RAF1: variants seen among roughly 807,000 people sequenced by gnomAD.
RAF1 encodes Raf-1 proto-oncogene, serine/threonine kinase, also known as RAF proto-oncogene serine/threonine-protein kinase.
In RAF1, 27 loss-of-function variants were observed where a neutral mutation model predicts 81.1. The observed-to-expected ratio is 0.33, with a 90% CI of 0.25 to 0.46. RAF1 has a LOEUF of 0.46. Ranked by LOEUF, RAF1 falls within the 20% of genes least tolerant of loss-of-function variation. The probability of loss-of-function intolerance (pLI) is 1.00; values close to 1 mark genes in which losing one functional copy is unlikely to be tolerated. For synonymous variants in RAF1, 298 were observed against 294.0 expected (o/e 1.01, Z -0.14); for missense variants, 598 against 826.0 (o/e 0.72, Z 3.38).
intron 8 of RAF1, among the ~76,000 whole-genome samples, chr3:12,602,883 A>G (rs2058905524): frequency 6.6e-6 from 1 of 152,204 alleles, no homozygotes; most frequent in Admixed American, 6.5e-5. Flanking sequence ...GTCTCTGATA[A>G]GCTTTCAATA....
chr3:12,606,748 A>C (rs1402313246), intron 5 of RAF1, among the ~76,000 whole-genome samples: 5 of 152,168 alleles, frequency 3.3e-5, no homozygotes, highest in Admixed American at 2.6e-4. Context: ...GTACATGTGC[A>C]CAACATGCAG....
At chr3:12,617,890 A>G (rs1482207357) in intron 2 of RAF1, among the ~76,000 whole-genome samples, 6 of 147,024 alleles carry the variant, frequency 4.1e-5, no homozygotes, top group Non-Finnish European at 9.0e-5. Context: ...AAAAAAAAAA[A>G]AAGAAAAGAA....
chr3:12,611,823 TATAA>T, intron 3 of RAF1, 123 bp downstream of exon 3: 1 of 755,928 alleles, frequency 1.3e-6, no homozygotes. Context: ...ATTATCTCTT[TATAA>T]AGAAAGGTAT....
At chr3:12,590,549 C>A (rs886969742) in intron 13 of RAF1, 3 of 510,028 alleles carry the variant, frequency 5.9e-6, no homozygotes, top group Admixed American at 3.2e-5. Context: ...GGTCTCAAAA[C>A]TACTGGCCTC....
At chr3:12,585,279 G>T in intron 15 of RAF1, 26 bp from the exon 15 acceptor site, 1 of 1,613,494 alleles carries the variant, frequency 6.2e-7, no homozygotes. Context: ...TATGACAAAA[G>T]TGCATTTATC....
At chr3:12,618,408 C>T (rs956178840) in intron 2 of RAF1, 107 bp downstream of exon 2, 101 of 1,192,366 alleles carry the variant, frequency 8.5e-5, no homozygotes, top group Non-Finnish European at 7.0e-5. Flanking sequence ...AAAATAAAGA[C>T]CCTAAATGAC....
intron 3 of RAF1, among the ~76,000 whole-genome samples, chr3:12,611,421 T>C (rs1390682618): frequency 6.6e-6 from 1 of 152,148 alleles, no homozygotes; most frequent in Non-Finnish European, 1.5e-5. Flanking sequence ...GCCTTCGCTA[T>C]GTGCCCAGGC....
At chr3:12,646,315 C>G (rs1011588580) in intron 1 of RAF1, among the ~76,000 whole-genome samples, 2 of 152,052 alleles carry the variant, frequency 1.3e-5, no homozygotes, top group Non-Finnish European at 2.9e-5. Flanking sequence ...ACATTATAAT[C>G]TACAGCAAAT....
At chr3:12,588,848 G>GT (rs1048365693) in intron 13 of RAF1, 3 of 152,342 alleles carry the variant, frequency 2.0e-5, no homozygotes, top group African/African-American at 7.2e-5. Flanking sequence ...TGGGACCTAA[G>GT]TGGCAGGTGT....
At position 12,599,851 on chromosome 3, in the gene RAF1, A is replaced by G. The variant is rs5746225; in HGVS notation, c.1051-43T>C. On this transcript the variant is annotated intron_variant, in intron 10 of 17. Coordinates refer to ENST00000442415, the MANE Select transcript of RAF1 (RefSeq NM_001354689.3). ...CATTATTATACTCCATGCAATGGTAATAATCTTTTGATAATGAGGGCATCA... is the reference window on the plus strand; with the variant it reads ...CATTATTATACTCCATGCAATGGTAGTAATCTTTTGATAATGAGGGCATCA... 0.013 allele frequency: 18,475 copies of G among 1,464,626 alleles called. 166 individuals are homozygous for G. The highest frequency in any genetic ancestry group is 0.014 in the Non-Finnish European group (14,658 of 1,043,408). 90.7% of individuals were successfully genotyped at this position (1,464,626 alleles called of 1,614,324 possible).
At chr3:12,624,984 A>G (rs1245437008) in intron 1 of RAF1, among the ~76,000 whole-genome samples, 1 of 152,200 alleles carries the variant, frequency 6.6e-6, no homozygotes, top group Non-Finnish European at 1.5e-5. Flanking sequence ...TTAAATTCAC[A>G]GAAAAGCAAT....
intron 3 of RAF1, 80 bp downstream of exon 3, chr3:12,611,870 C>T (rs1451311591): frequency 3.0e-6 from 3 of 1,000,672 alleles, no homozygotes; most frequent in Non-Finnish European, 4.8e-6. Context: ...GAAGCTAGTA[C>T]AATTTAATAC....
At chr3:12,593,349 G>T (rs528980958) in intron 11 of RAF1, among the ~76,000 whole-genome samples, 1 of 152,202 alleles carries the variant, frequency 6.6e-6, no homozygotes, top group Admixed American at 6.5e-5. Flanking sequence ...CTGGAGTGCT[G>T]GGATTACAAG....
chr3:12,591,067 G>A lies in RAF1; in HGVS notation c.1254-93C>T, dbSNP rs1426048091. The stretch of plus-strand genomic sequence containing the variant: ...CGTGGACAGTGGGTTCTGTGCTGTC[G>A]ACACCACCCCCAGTCCCAACACCAC... On this transcript the variant is annotated intron_variant, in intron 12 of 17. Coordinates refer to ENST00000442415, the MANE Select transcript of RAF1 (RefSeq NM_001354689.3). 41 of 1,214,800 alleles carry A rather than the reference G, an allele frequency of 3.4e-5. No homozygotes were observed. In the East Asian group the frequency reaches 7.8e-4, roughly 23 times the overall value. 75.3% of individuals were successfully genotyped at this position (1,214,800 alleles called of 1,614,324 possible).
chr3:12,591,902 T>G (rs1318579622), intron 11 of RAF1, 110 bp from the exon 11 acceptor site: 1 of 846,788 alleles, frequency 1.2e-6, no homozygotes, highest in South Asian at 1.5e-5. Context: ...ATCACATACC[T>G]ACACAGATAC....
At chr3:12,662,334 C>T (rs1236600025) in intron 1 of RAF1, among the ~76,000 whole-genome samples, 3 of 73,104 alleles carry the variant, frequency 4.1e-5, no homozygotes, top group Non-Finnish European at 7.1e-5. Context: ...AGATCCTGTT[C>T]CTTTAAAAAA....
rs2059137634 is a variant in RAF1, at chr3:12,609,310, T to C, written c.346A>G (p.Thr116Ala). 6.2e-7 allele frequency: 1 copy of C among 1,613,356 alleles called. No individual in the cohort carries two copies. Among genetic ancestry groups the C allele is most frequent in the East Asian group, 2.2e-5 (1 of 44,852 alleles). Residue 116 changes from threonine to alanine, a missense_variant, in exon 4 of 18, where the codon ACT (threonine) becomes GCT (alanine). Thr to Ala is a moderately conservative substitution (Grantham distance 58, BLOSUM62 0). Transcript: ENST00000442415. ...TCTCCAATCAAAGACGCAGCATCAGTATTCCAATCTAAGCGTGCTTTTTTA... is the reference window on the plus strand; with the variant it reads ...TCTCCAATCAAAGACGCAGCATCAGCATTCCAATCTAAGCGTGCTTTTTTA...
rs730880997 is a variant in RAF1, at chr3:12,585,110, GCA to G, written c.1728+10_1728+11del. The G allele has an allele frequency of 3.2e-4, 517 of 1,614,150 alleles. 2 individuals carry two copies. The highest frequency in any genetic ancestry group is 3.1e-3 in the South Asian group (278 of 91,082). ...CCACGAGTTGGGTCCTTTCGCACCAGCACAGACTTACCTGATCTCGGTTGTTG... is the reference window on the plus strand; with the variant it reads ...CCACGAGTTGGGTCCTTTCGCACCAGCAGACTTACCTGATCTCGGTTGTTG... On this transcript the variant is annotated intron_variant, in intron 16 of 17. Transcript: ENST00000442415.
chr3:12,658,611 CAA>C (rs1559496996), intron 1 of RAF1, among the ~76,000 whole-genome samples: 1 of 151,820 alleles, frequency 6.6e-6, no homozygotes, highest in African/African-American at 2.4e-5. Flanking sequence ...TCAAAAAAAA[CAA>C]AAAAAGAAAC....
Sources: gnomAD v4.1 joint callset for allele counts (sites outside exome capture counted in the v4.1 genomes callset) on GRCh38, gnomAD v4.1.1 for gene constraint, MANE v1.5 for transcripts, NCBI Gene and HGNC (gene_info 2026-07-23, HGNC 2026-07-21) for gene names.